Variants in RIN2 observed in about 807,000 individuals in gnomAD.
RIN2 encodes RAB5 interacting protein 2.
A neutral mutation model predicts 78.0 loss-of-function variants in RIN2; 36 were observed. That is an observed-to-expected ratio of 0.46 (90% CI 0.35 to 0.61). The LOEUF (loss-of-function observed/expected upper bound fraction) is 0.61, where lower values mean the gene tolerates loss of function less well. Ranked by LOEUF, RIN2 falls within the 20% of genes least tolerant of loss-of-function variation. The pLI, the probability that RIN2 is intolerant of heterozygous loss-of-function variation, is 0.00. For missense variants in RIN2, 1,087 were observed against 1,159.7 expected (o/e 0.94, Z 0.91); for synonymous variants, 466 against 466.8 (o/e 1.00, Z 0.02).
At chr20:19,781,581 C>T (rs2034507025) in intron 1 of RIN2, among the ~76,000 whole-genome samples, 2 of 152,152 alleles carry the variant, frequency 1.3e-5, no homozygotes, top group South Asian at 2.1e-4. Context: ...GCACCCACCA[C>T]CACAGCTGGC....
At chr20:19,818,015 G>A (rs1336137381) in intron 2 of RIN2, among the ~76,000 whole-genome samples, 1 of 145,000 alleles carries the variant, frequency 6.9e-6, no homozygotes, top group African/African-American at 2.5e-5. Context: ...GTTGTAGAGT[G>A]CACTTACACA....
At chr20:19,799,138 C>T (rs114844095) in intron 1 of RIN2, among the ~76,000 whole-genome samples, 4,112 of 152,112 alleles carry the variant, frequency 0.027, 183 homozygotes, top group African/African-American at 0.095. Context: ...TGAGCCCAAG[C>T]GATCCACCCA....
intron 1 of RIN2, among the ~76,000 whole-genome samples, chr20:19,771,496 C>T (rs974264262): frequency 6.6e-6 from 1 of 152,184 alleles, no homozygotes; most frequent in Non-Finnish European, 1.5e-5. Flanking sequence ...GCACACTTCC[C>T]CTGGGCTGTC....
At chr20:19,860,486 A>ATT (rs11400157) in intron 2 of RIN2, among the ~76,000 whole-genome samples, 14 of 150,498 alleles carry the variant, frequency 9.3e-5, no homozygotes, top group African/African-American at 2.7e-4. Flanking sequence ...CACCCAGCTA[A>ATT]TTTTTTTTGT....
intron 8 of RIN2, among the ~76,000 whole-genome samples, chr20:19,972,406 G>A (rs1365918794): frequency 6.6e-6 from 1 of 152,168 alleles, no homozygotes; most frequent in African/African-American, 2.4e-5. Flanking sequence ...CAATGCTTGT[G>A]CCATGCCGAG....
At chr20:19,852,558 C>G (rs76090302) in intron 2 of RIN2, among the ~76,000 whole-genome samples, 111 of 152,296 alleles carry the variant, frequency 7.3e-4, no homozygotes, top group Middle Eastern at 3.4e-3. Flanking sequence ...ATCCAGGTCT[C>G]GTTGCCTGAG....
At chr20:19,993,274 G>GTT (rs35781625) in intron 11 of RIN2, among the ~76,000 whole-genome samples, 13 of 146,910 alleles carry the variant, frequency 8.8e-5, no homozygotes, top group East Asian at 7.9e-4. Context: ...TCACGGTTTC[G>GTT]TTTTTTTTTT....
chr20:19,854,184 G>A (rs1269435337), intron 2 of RIN2, among the ~76,000 whole-genome samples: 5 of 152,130 alleles, frequency 3.3e-5, no homozygotes, highest in African/African-American at 9.7e-5. Context: ...AAGATCAGAT[G>A]GTTGTAGATG....
At chr20:19,898,399 C>T (rs1400853337) in intron 3 of RIN2, among the ~76,000 whole-genome samples, 1 of 152,302 alleles carries the variant, frequency 6.6e-6, no homozygotes, top group East Asian at 1.9e-4. Flanking sequence ...TTTTGAAGGA[C>T]TATTGTGTCA....
intron 2 of RIN2, among the ~76,000 whole-genome samples, chr20:19,841,416 G>A (rs1396260116): frequency 1.3e-5 from 2 of 151,996 alleles, no homozygotes; most frequent in South Asian, 2.1e-4. Context: ...AGTAACAAAC[G>A]CAGCCCCATA....
At chr20:19,790,491 C>T (rs1321706308) in intron 1 of RIN2, among the ~76,000 whole-genome samples, 3 of 152,148 alleles carry the variant, frequency 2.0e-5, no homozygotes, top group African/African-American at 7.2e-5. Context: ...TTGGGCTTAA[C>T]TTATCTAAAT....
intron 7 of RIN2, 70 bp from the exon 8 acceptor site, chr20:19,970,768 G>A: frequency 8.2e-7 from 1 of 1,222,396 alleles, no homozygotes; most frequent in Non-Finnish European, 1.2e-6. Flanking sequence ...ACATCTCTAT[G>A]ATGAAAATAA....
intron 3 of RIN2, among the ~76,000 whole-genome samples, chr20:19,892,425 G>A (rs1405264316): frequency 1.3e-5 from 2 of 151,996 alleles, no homozygotes; most frequent in East Asian, 1.9e-4. Flanking sequence ...CATCTTGGCC[G>A]TGCTGGTCTC....
intron 6 of RIN2, among the ~76,000 whole-genome samples, chr20:19,963,477 T>C (rs2041831885): frequency 6.6e-6 from 1 of 151,698 alleles, no homozygotes; most frequent in African/African-American, 2.4e-5. Context: ...GGCTTGGTGG[T>C]ACATGCCTGT....
chr20:19,857,740 A>G (rs1160287949), intron 2 of RIN2, among the ~76,000 whole-genome samples: 1 of 152,082 alleles, frequency 6.6e-6, no homozygotes, highest in Admixed American at 6.5e-5. Flanking sequence ...AATCCCAGCT[A>G]CTTGGGAGAC....
At chr20:19,880,393 T>TTA in intron 2 of RIN2, among the ~76,000 whole-genome samples, 1 of 10,160 alleles carries the variant, frequency 9.8e-5, no homozygotes, top group South Asian at 5.5e-3. Flanking sequence ...GAAGTCATTC[T>TTA]TTTTTTTTTT....
At chr20:19,861,117 A>C (rs577889157) in intron 2 of RIN2, among the ~76,000 whole-genome samples, 8 of 152,306 alleles carry the variant, frequency 5.3e-5, no homozygotes, top group Non-Finnish European at 1.0e-4. Flanking sequence ...GAGTCAATCA[A>C]GAATGTGTCA....
chr20:19,912,475 C>CAACCTTAGGCT (rs2039512504), intron 3 of RIN2, among the ~76,000 whole-genome samples: 1 of 110,932 alleles, frequency 9.0e-6, no homozygotes, highest in Non-Finnish European at 1.7e-5. Flanking sequence ...TTTTCTTTTT[C>CAACCTTAGGCT]TTTTTTTTTT....
At chr20:19,996,334 A>T (rs2042963550) in intron 11 of RIN2, among the ~76,000 whole-genome samples, 1 of 152,150 alleles carries the variant, frequency 6.6e-6, no homozygotes, top group Non-Finnish European at 1.5e-5. Context: ...AAACAAAAAA[A>T]CAAACAAACA....
Sources: gnomAD v4.1 joint callset for allele counts (sites outside exome capture counted in the v4.1 genomes callset) on GRCh38, gnomAD v4.1.1 for gene constraint, MANE v1.5 for transcripts, NCBI Gene and HGNC (gene_info 2026-07-23, HGNC 2026-07-21) for gene names.